ZFAND2A: variants seen among roughly 807,000 people sequenced by gnomAD.
ZFAND2A encodes the protein AN1-type zinc finger protein 2A.
In ZFAND2A, 20 loss-of-function variants were observed where a neutral mutation model predicts 11.6. That is an observed-to-expected ratio of 1.72 (90% CI 1.21 to 2.50). ZFAND2A has a LOEUF of 2.50. ZFAND2A is among the 30% of genes most tolerant of loss of function. ZFAND2A has a pLI of 0.00. For synonymous variants in ZFAND2A, 93 were observed against 60.6 expected (o/e 1.54, Z -2.48); for missense variants, 234 against 182.9 (o/e 1.28, Z -1.61).
chr7:1,153,004 C>T lies in ZFAND2A; in HGVS notation c.*65G>A, dbSNP rs1052871324. The T allele has an allele frequency of 1.2e-6, 2 of 1,601,752 alleles. No homozygotes were observed. The highest frequency in any genetic ancestry group is 1.3e-5 in the African/African-American group (1 of 74,616). On this transcript the variant is annotated 3_prime_UTR_variant, in exon 5 of 5. Transcript: ENST00000316495. Reference sequence around the variant, plus strand: ...GTGCTCAATGGGGCTCCACTTCCCACTAGAGTGTAAGCTGCTTCCACGCAT... The same window carrying T: ...GTGCTCAATGGGGCTCCACTTCCCATTAGAGTGTAAGCTGCTTCCACGCAT...
downstream of ZFAND2A, among the ~76,000 whole-genome samples, chr7:1,151,358 C>G (rs1173337094): frequency 3.3e-5 from 5 of 150,596 alleles, no homozygotes; most frequent in Non-Finnish European, 7.4e-5. Flanking sequence ...AACCCTCGGC[C>G]AGGCAGGTGG....
rs998920283 is a variant in ZFAND2A, at chr7:1,155,486, GTC to G, written c.247_248del (p.Asp83LeufsTer2). The G allele has an allele frequency of 1.7e-5, 28 of 1,613,724 alleles. No individual in the cohort carries two copies. Among genetic ancestry groups the G allele is most frequent in the Non-Finnish European group, 2.3e-5 (27 of 1,179,886 alleles). On this transcript the variant is annotated frameshift_variant, in exon 4 of 5. Coordinates refer to ENST00000316495, the MANE Select transcript of ZFAND2A (RefSeq NM_182491.4). LOFTEE classifies it low-confidence loss of function (END_TRUNC). Reference protein sequence around the residue: ...DVVVGDHIDRDCDSHPGKKKE... With the variant: ...DVVVGDHIDRXCDSHPGKKKE... Reference sequence around the variant, plus strand: ...TCTTCTTCCCAGGGTGAGAGTCACAGTCTCTGTCAATGTGATCACCAACCACC... The same window carrying G: ...TCTTCTTCCCAGGGTGAGAGTCACAGTCTGTCAATGTGATCACCAACCACC...
At chr7:1,152,380 T>A (rs776305730), downstream of ZFAND2A, 1 of 1,504,168 alleles carries the variant, frequency 6.6e-7, no homozygotes, top group East Asian at 2.5e-5. Flanking sequence ...TCAGCCTCCA[T>A]GTGCTGACCG....
In ZFAND2A at chr7:1,159,639, C is replaced by T. The variant is rs574527757; in HGVS notation, c.-46+325G>A. Reference sequence around the variant, plus strand: ...ACAGGCCGGACCCCCAGCAGCCAGACCCCGGCAGGCCCGGTCCCCAGCAGA... The same window carrying T: ...ACAGGCCGGACCCCCAGCAGCCAGATCCCGGCAGGCCCGGTCCCCAGCAGA... On this transcript the variant is annotated intron_variant, in intron 1 of 4. Coordinates refer to ENST00000316495, the MANE Select transcript of ZFAND2A (RefSeq NM_182491.4). Among the ~76,000 whole-genome samples, 45 of 55,474 alleles carry T rather than the reference C, an allele frequency of 8.1e-4. 7 individuals carry two copies. The highest frequency in any genetic ancestry group is 2.9e-3 in the African/African-American group (39 of 13,654). The allele number at this position is 55,474 out of a possible 152,430, so 36.4% of individuals were successfully genotyped here. A position where few individuals can be genotyped will look rare whatever the true frequency, so the allele number is the denominator to read the frequency against.
chr7:1,150,805 C>T (rs1451221885), downstream of ZFAND2A, among the ~76,000 whole-genome samples: 4 of 151,924 alleles, frequency 2.6e-5, no homozygotes, highest in Non-Finnish European at 5.9e-5. Context: ...CAACAGGTGG[C>T]ATTTTGCAAC....
intron 4 of ZFAND2A, among the ~76,000 whole-genome samples, chr7:1,155,134 A>C (rs1407364528): frequency 1.3e-5 from 2 of 152,150 alleles, no homozygotes; most frequent in African/African-American, 2.4e-5. Flanking sequence ...AAACAAACAA[A>C]CAAACAAACA....
downstream of ZFAND2A, among the ~76,000 whole-genome samples, chr7:1,150,112 A>T (rs2128256557): frequency 6.6e-6 from 1 of 152,130 alleles, no homozygotes; most frequent in East Asian, 1.9e-4. Flanking sequence ...ATCAATATGT[A>T]CAATTATGTC....
downstream of ZFAND2A, among the ~76,000 whole-genome samples, chr7:1,150,078 C>T (rs888952270): frequency 2.0e-5 from 3 of 151,818 alleles, no homozygotes; most frequent in Non-Finnish European, 4.4e-5. Flanking sequence ...GTCTCAAACT[C>T]CTCCAAATAC....
chr7:1,159,403 G>A (rs1793620324), intron 1 of ZFAND2A, among the ~76,000 whole-genome samples: 1 of 152,180 alleles, frequency 6.6e-6, no homozygotes, highest in Non-Finnish European at 1.5e-5. Flanking sequence ...GACCCCGTGC[G>A]ACCCGGTACT....
intron 4 of ZFAND2A, among the ~76,000 whole-genome samples, chr7:1,155,133 A>G (rs1394863764): frequency 6.6e-6 from 1 of 152,156 alleles, no homozygotes; most frequent in African/African-American, 2.4e-5. Flanking sequence ...AAAACAAACA[A>G]ACAAACAAAC....
At chr7:1,149,381 G>C (rs995462685), downstream of ZFAND2A, among the ~76,000 whole-genome samples, 1 of 152,184 alleles carries the variant, frequency 6.6e-6, no homozygotes, top group African/African-American at 2.4e-5. Flanking sequence ...CAGACCAGAC[G>C]TGTCACCCGG....
intron 3 of ZFAND2A, among the ~76,000 whole-genome samples, chr7:1,156,118 G>A (rs1256453572): frequency 1.4e-5 from 2 of 139,396 alleles, no homozygotes; most frequent in Admixed American, 1.4e-4. Context: ...GGACCGCCCA[G>A]CAAGGCTAAA....
chr7:1,155,243 C>T (rs947829982), intron 4 of ZFAND2A, among the ~76,000 whole-genome samples: 1 of 152,192 alleles, frequency 6.6e-6, no homozygotes, highest in African/African-American at 2.4e-5. Context: ...AAAGACGAAC[C>T]TGACCTGGGA....
chr7:1,152,214 C>A (rs555704744), downstream of ZFAND2A: 13 of 1,544,554 alleles, frequency 8.4e-6, no homozygotes, highest in East Asian at 2.9e-4. Flanking sequence ...AGCTGCAGCA[C>A]CCCACACAGA....
chr7:1,153,926 G>C (rs1374494041), intron 4 of ZFAND2A, among the ~76,000 whole-genome samples: 2 of 152,040 alleles, frequency 1.3e-5, no homozygotes, highest in Non-Finnish European at 2.9e-5. Context: ...GGGCGACAGA[G>C]CAAGAGTTCG....
chr7:1,156,811 C>T (rs185159867), intron 3 of ZFAND2A, among the ~76,000 whole-genome samples: 8 of 152,334 alleles, frequency 5.3e-5, no homozygotes, highest in Admixed American at 6.5e-5. Flanking sequence ...TATTAGTAAA[C>T]GGTCTCCAGC....
intron 1 of ZFAND2A, among the ~76,000 whole-genome samples, 178 bp downstream of exon 1, chr7:1,159,786 G>C (rs543440618): frequency 1.0e-5 from 1 of 97,450 alleles, no homozygotes; most frequent in East Asian, 2.3e-4. Context: ...CCAGCAGCCA[G>C]ACCCCGGCAG....
intron 4 of ZFAND2A, among the ~76,000 whole-genome samples, chr7:1,154,670 C>T (rs187201752): frequency 4.6e-5 from 7 of 152,206 alleles, no homozygotes; most frequent in African/African-American, 1.7e-4. Flanking sequence ...GACTAAGGAA[C>T]ACTGATTTTA....
At chr7:1,153,935 C>A (rs567728404) in intron 4 of ZFAND2A, among the ~76,000 whole-genome samples, 1 of 151,616 alleles carries the variant, frequency 6.6e-6, no homozygotes, top group Middle Eastern at 3.2e-3. Context: ...AGCAAGAGTT[C>A]GTCCCTTTAA....
Sources: allele counts gnomAD v4.1 joint callset (sites outside exome capture counted in the v4.1 genomes callset), GRCh38; gene constraint gnomAD v4.1.1; transcripts MANE v1.5; gene names NCBI Gene and HGNC (gene_info 2026-07-23, HGNC 2026-07-21).